PNKD: variants seen among roughly 807,000 people sequenced by gnomAD.
PNKD encodes the protein PNKD metallo-beta-lactamase domain containing.
Under a neutral mutation model 45.3 loss-of-function variants are expected in PNKD, and 36 were observed. The ratio of observed to expected loss-of-function variants is 0.80; its 90% CI spans 0.61 to 1.05. The LOEUF (loss-of-function observed/expected upper bound fraction) is 1.05. Ranked by LOEUF, PNKD falls within the 50% of genes least tolerant of loss-of-function variation. The pLI is 0.00. For synonymous variants in PNKD, 197 were observed against 210.1 expected (o/e 0.94, Z 0.54); for missense variants, 511 against 506.6 (o/e 1.01, Z -0.08).
rs559897706 is a variant in PNKD at position 218,343,614 on chromosome 2, C to T, written c.868+28C>T. 50 of 1,543,764 alleles carry T rather than the reference C, an allele frequency of 3.2e-5. No homozygotes were observed. In the Middle Eastern group the frequency reaches 5.1e-4, roughly 16 times the overall value. Reference sequence around the variant, plus strand: ...GAGACACCCCCTTACTACTCCCCATCCTCCAGCCCCACGCTCAGCCTGGGA... The same window carrying T: ...GAGACACCCCCTTACTACTCCCCATTCTCCAGCCCCACGCTCAGCCTGGGA... On this transcript the variant is annotated intron_variant, in intron 8 of 9. Transcript: ENST00000273077.
chr2:218,280,151 AGCTGG>A, intron 2 of PNKD: 1 of 1,562,814 alleles, frequency 6.4e-7, no homozygotes, highest in Non-Finnish European at 8.8e-7. Context: ...CACTTGACTC[AGCTGG>A]GGACCTGAGA....
chr2:218,322,430 A>T (rs1326871313), intron 2 of PNKD, among the ~76,000 whole-genome samples: 1 of 152,132 alleles, frequency 6.6e-6, no homozygotes, highest in African/African-American at 2.4e-5. Context: ...GGGAACGGTG[A>T]TGTGGAAATC....
At chr2:218,271,314 G>GC (rs918561641) in intron 1 of PNKD, 67 bp from the exon 2 acceptor site, 4 of 1,382,540 alleles carry the variant, frequency 2.9e-6, no homozygotes, top group East Asian at 2.3e-5. Flanking sequence ...AGCCCTTACT[G>GC]CCCCCCACCT....
chr2:218,328,957 C>G (rs1694235208), intron 2 of PNKD, among the ~76,000 whole-genome samples: 1 of 152,184 alleles, frequency 6.6e-6, no homozygotes, highest in African/African-American at 2.4e-5. Context: ...CCTGTAATCC[C>G]AGCACTTTGG....
chr2:218,338,328 G>T (rs1431479370), intron 2 of PNKD, among the ~76,000 whole-genome samples: 2 of 151,234 alleles, frequency 1.3e-5, no homozygotes. Flanking sequence ...GGGCATGGTG[G>T]TGTGAGCCTG....
chr2:218,315,036 CTT>C (rs55908245), intron 2 of PNKD, among the ~76,000 whole-genome samples: 2,076 of 6,440 alleles, frequency 0.32, 95 homozygotes, highest in Middle Eastern at 0.5. Flanking sequence ...TTCTTTCTTT[CTT>C]TTTCTTTCTT....
intron 2 of PNKD, among the ~76,000 whole-genome samples, chr2:218,330,026 A>AG (rs11394873): frequency 1 from 152,315 of 152,326 alleles, 76,152 homozygotes; most frequent in Middle Eastern, 1. Flanking sequence ...GTCCCCGGCC[A>AG]GGCCCCACCA....
chr2:218,329,436 C>T (rs1160831029), intron 2 of PNKD, among the ~76,000 whole-genome samples: 1 of 152,248 alleles, frequency 6.6e-6, no homozygotes, highest in Non-Finnish European at 1.5e-5. Flanking sequence ...CCTGGGATTA[C>T]ACACATGGAG....
Position 218,340,784 on chromosome 2 carries a change from C to G in PNKD, c.522C>G (p.His174Gln). Residue 174 changes from histidine to glutamine, a missense_variant and splice_region_variant, in exon 5 of 10, where the codon CAC (histidine) becomes CAG (glutamine). Transcript: ENST00000273077. The surrounding 1 kb of genome is among the most constrained non-coding windows in gnomAD (Gnocchi z 4.2). Reference sequence around the variant, plus strand: ...TCGCCATTCTGTGTACTCACAAGCACTGGTAAGGGGCTCCCGTCTTCCCTG... The same window carrying G: ...TCGCCATTCTGTGTACTCACAAGCAGTGGTAAGGGGCTCCCGTCTTCCCTG... ...TLVAILCTHK[H>Q]WDHSGGNRDL... 6.2e-7 allele frequency: 1 copy of G among 1,613,402 alleles called. No homozygotes were observed. The highest frequency in any genetic ancestry group is 8.5e-7 in the Non-Finnish European group (1 of 1,179,314).
chr2:218,304,765 G>T (rs139801054), intron 2 of PNKD, among the ~76,000 whole-genome samples: 8 of 152,092 alleles, frequency 5.3e-5, no homozygotes, highest in Non-Finnish European at 1.2e-4. Context: ...CCAAGCCTTC[G>T]TTTGTTCATC....
chr2:218,303,235 A>C lies in PNKD; in HGVS notation c.236+31686A>C, dbSNP rs181884807. 3.9e-3 allele frequency among the ~76,000 whole-genome samples: 595 copies of C among 152,262 alleles called. 5 individuals are homozygous for C. The highest frequency in any genetic ancestry group is 0.011 in the African/African-American group (472 of 41,550). ...ATCCTTGGGATTACAGGTGTGAGCCACCAGCCCAGCCCTGAACCAGTCTTT... is the reference window on the plus strand; with the variant it reads ...ATCCTTGGGATTACAGGTGTGAGCCCCCAGCCCAGCCCTGAACCAGTCTTT... On this transcript the variant is annotated intron_variant, in intron 2 of 9. Transcript: ENST00000273077.
intron 2 of PNKD, among the ~76,000 whole-genome samples, chr2:218,291,190 C>T (rs1044303505): frequency 2.0e-5 from 3 of 152,196 alleles, no homozygotes; most frequent in Non-Finnish European, 4.4e-5. Context: ...CTGAAGGGCT[C>T]ATTTTTACAA....
intron 2 of PNKD, among the ~76,000 whole-genome samples, chr2:218,276,846 A>T (rs1325048164): frequency 6.6e-6 from 1 of 152,184 alleles, no homozygotes; most frequent in African/African-American, 2.4e-5. Flanking sequence ...CTCACCCAGA[A>T]GGATGCTGCC....
intron 2 of PNKD, among the ~76,000 whole-genome samples, chr2:218,306,807 A>G (rs531575969): frequency 6.6e-6 from 1 of 152,196 alleles, no homozygotes; most frequent in Non-Finnish European, 1.5e-5. Context: ...GCAAGTCATT[A>G]CCTAGGCCTA....
intron 6 of PNKD, 98 bp from the exon 7 acceptor site, chr2:218,341,883 C>G: frequency 9.8e-7 from 1 of 1,022,686 alleles, no homozygotes. Context: ...GAAGCCCACT[C>G]TCTTGTGAAT....
In PNKD at chr2:218,278,059, C is replaced by T. The variant is rs112235783; in HGVS notation, c.236+6510C>T. On this transcript the variant is annotated intron_variant, in intron 2 of 9. Transcript: ENST00000273077. ...CTACAGCAGAAGGAAGCGCTTGGCT[C>T]CTGTGCCTGGAGGATTAAGCCTTGA... The T allele has an allele frequency of 2.6e-3, 3,877 of 1,487,936 alleles. 86 individuals carry two copies. In the African/African-American group the frequency reaches 0.047, roughly 18 times the overall value. The allele number at this position is 1,487,936 out of a possible 1,614,324, so 92.2% of individuals were successfully genotyped here.
chr2:218,313,215 AT>A (rs1480822673), intron 2 of PNKD, among the ~76,000 whole-genome samples: 1 of 152,034 alleles, frequency 6.6e-6, no homozygotes, highest in Admixed American at 6.6e-5. Flanking sequence ...GGTTCAAGCA[AT>A]CCTCCTGTCT....
chr2:218,337,661 C>T lies in PNKD; in HGVS notation c.237-2122C>T, dbSNP rs115253583. Among the ~76,000 whole-genome samples, 1,491 of 152,274 alleles carry T rather than the reference C, an allele frequency of 9.8e-3. 37 individuals carry two copies. The highest frequency in any genetic ancestry group is 0.034 in the African/African-American group (1,424 of 41,536). ...GTCATAGGTGTGCACTCGCCTTGTA[C>T]TTGCTTTGAGTCTTGTTGAACTCCC... On this transcript the variant is annotated intron_variant, in intron 2 of 9. Coordinates refer to ENST00000273077, the MANE Select transcript of PNKD (RefSeq NM_015488.5).
intron 2 of PNKD, among the ~76,000 whole-genome samples, chr2:218,300,227 T>C (rs1008823109): frequency 1.3e-5 from 2 of 152,134 alleles, no homozygotes; most frequent in South Asian, 4.1e-4. Context: ...CATGCAACGG[T>C]CCTGACTGAT....
Sources: gnomAD v4.1 joint callset for allele counts (sites outside exome capture counted in the v4.1 genomes callset) on GRCh38, gnomAD v4.1.1 for gene constraint, Gnocchi (gnomAD v3.1) non-coding constraint, MANE v1.5 for transcripts, NCBI Gene and HGNC (gene_info 2026-07-23, HGNC 2026-07-21) for gene names.